Variants in PFDN2 observed in about 807,000 individuals in gnomAD.
PFDN2 encodes prefoldin subunit 2.
Under a neutral mutation model 18.3 loss-of-function variants are expected in PFDN2, and 7 were observed. That is an observed-to-expected ratio of 0.38 (90% CI 0.22 to 0.72). The LOEUF is 0.72. Among genes scored for constraint, PFDN2 ranks in the 30% least tolerant of loss-of-function variants. PFDN2 has a pLI of 0.47. For missense variants in PFDN2, 181 were observed against 199.1 expected (o/e 0.91, Z 0.55); for synonymous variants, 76 against 75.0 (o/e 1.01, Z -0.07).
intron 1 of PFDN2, among the ~76,000 whole-genome samples, chr1:161,116,091 A>G (rs1246290788): frequency 6.6e-6 from 1 of 152,156 alleles, no homozygotes; most frequent in Non-Finnish European, 1.5e-5. Context: ...AGCCATTCAA[A>G]TGGCTTATGC....
Position 161,102,370 on chromosome 1 carries a change from A to G in PFDN2, c.81T>C (p.Ile27=). Reference sequence around the variant, plus strand: ...CCTGCCGAAGGCGGTTGAAGCCAGCAATCACCTAACAAGGTGAGAGAAGAG... The same window carrying G: ...CCTGCCGAAGGCGGTTGAAGCCAGCGATCACCTAACAAGGTGAGAGAAGAG... ...GKGAVSAEQV[I]AGFNRLRQEQ... is the part of the protein sequence containing the mutation. The change falls in exon 2 of 4, where the codon ATT becomes ATC. Residue 27 remains isoleucine (I), a synonymous_variant. Coordinates refer to ENST00000368010, the MANE Select transcript of PFDN2 (RefSeq NM_012394.4). 6.2e-7 allele frequency: 1 copy of G among 1,613,728 alleles called. No individual in the cohort carries two copies. Among genetic ancestry groups the G allele is most frequent in the Non-Finnish European group, 8.5e-7 (1 of 1,179,604 alleles).
At chr1:161,103,542 A>G (rs1163355713) in intron 1 of PFDN2, among the ~76,000 whole-genome samples, 1 of 151,886 alleles carries the variant, frequency 6.6e-6, no homozygotes, top group East Asian at 1.9e-4. Flanking sequence ...CAAAAAAATT[A>G]GCCGGGCATG....
At chr1:161,103,336 CTTCT>C (rs1005470167) in intron 1 of PFDN2, among the ~76,000 whole-genome samples, 7 of 151,848 alleles carry the variant, frequency 4.6e-5, no homozygotes, top group African/African-American at 1.7e-4. Flanking sequence ...GTTATTTAGC[CTTCT>C]TTTTCATTCT....
intron 1 of PFDN2, among the ~76,000 whole-genome samples, chr1:161,103,287 C>T (rs1028667712): frequency 6.6e-6 from 1 of 152,094 alleles, no homozygotes; most frequent in African/African-American, 2.4e-5. Context: ...TTCCTAGATT[C>T]CCTAAAGCTG....
At chr1:161,105,470 T>TTTTC (rs1557962886) in intron 1 of PFDN2, among the ~76,000 whole-genome samples, 3 of 152,038 alleles carry the variant, frequency 2.0e-5, no homozygotes, top group Non-Finnish European at 2.9e-5. Context: ...CTTTTCTTTT[T>TTTTC]TTTTCTGAGA....
At chr1:161,102,449 C>A in intron 1 of PFDN2, 74 bp from the exon 2 acceptor site, 1 of 1,183,524 alleles carries the variant, frequency 8.4e-7, no homozygotes, top group Non-Finnish European at 1.3e-6. Flanking sequence ...CATAGGGTGG[C>A]AGGCTTTACA....
intron 1 of PFDN2, among the ~76,000 whole-genome samples, chr1:161,114,335 T>C (rs191863449): frequency 6.6e-6 from 1 of 152,344 alleles, no homozygotes; most frequent in East Asian, 1.9e-4. Flanking sequence ...CTGAGAGACA[T>C]CTTATATTCC....
intron 1 of PFDN2, among the ~76,000 whole-genome samples, chr1:161,105,393 C>T (rs986990378): frequency 1.3e-5 from 2 of 152,010 alleles, no homozygotes; most frequent in East Asian, 1.9e-4. Context: ...TGGGATTACA[C>T]GCAGGAGCTA....
chr1:161,107,119 A>G (rs1345342556), intron 1 of PFDN2, among the ~76,000 whole-genome samples: 1 of 152,156 alleles, frequency 6.6e-6, no homozygotes, highest in Non-Finnish European at 1.5e-5. Flanking sequence ...CCCTATTGAT[A>G]TATTTTTAAA....
chr1:161,113,204 C>T (rs145359334), intron 1 of PFDN2, among the ~76,000 whole-genome samples: 45 of 152,306 alleles, frequency 3.0e-4, no homozygotes, highest in African/African-American at 9.4e-4. Context: ...TCAAAGACCT[C>T]TATGGCCTTA....
At chr1:161,115,124 G>A (rs6699856) in intron 1 of PFDN2, among the ~76,000 whole-genome samples, 7 of 152,168 alleles carry the variant, frequency 4.6e-5, no homozygotes, top group Non-Finnish European at 8.8e-5. Context: ...GTGCAATGGC[G>A]TAATCTTGGC....
intron 1 of PFDN2, among the ~76,000 whole-genome samples, chr1:161,116,786 C>A (rs1185694968): frequency 6.7e-6 from 1 of 149,798 alleles, no homozygotes; most frequent in East Asian, 2.0e-4. Context: ...TGCTTGAACC[C>A]GGGAGGTGGA....
intron 3 of PFDN2, 72 bp from the exon 4 acceptor site, chr1:161,100,931 TGGA>T (rs956392483): frequency 8.8e-7 from 1 of 1,137,190 alleles, no homozygotes; most frequent in African/African-American, 1.5e-5. Context: ...GGACTATGGT[TGGA>T]GGAAGTGTTA....
chr1:161,111,641 G>A (rs1654811861), intron 1 of PFDN2, among the ~76,000 whole-genome samples: 24 of 152,148 alleles, frequency 1.6e-4, no homozygotes, highest in Admixed American at 1.6e-3. Flanking sequence ...TAGGTCAAGT[G>A]CCCGATACAA....
chr1:161,112,581 T>C (rs531912420), intron 1 of PFDN2, among the ~76,000 whole-genome samples: 1 of 152,270 alleles, frequency 6.6e-6, no homozygotes, highest in Non-Finnish European at 1.5e-5. Context: ...CTACAGGCAC[T>C]TGCCACCATA....
chr1:161,117,995 C>G lies in PFDN2; in HGVS notation c.32G>C (p.Ser11Thr). The part of the protein sequence containing the change: MAENSGRAGK[S>T]SGSGAGKGAV... Reference sequence around the variant, plus strand: ...CCCCTTCCCCGCGCCGCTCCCGCTGCTCTTGCCGGCGCGACCGCTGTTCTC... The same window carrying G: ...CCCCTTCCCCGCGCCGCTCCCGCTGGTCTTGCCGGCGCGACCGCTGTTCTC... Residue 11 changes from serine (S) to threonine (T), a missense_variant, in exon 1 of 4, where the codon AGC (serine) becomes ACC (threonine). Coordinates refer to ENST00000368010, the MANE Select transcript of PFDN2 (RefSeq NM_012394.4). 2 of 1,612,676 alleles carry G rather than the reference C, an allele frequency of 1.2e-6. No homozygotes were observed. Among genetic ancestry groups the G allele is most frequent in the Non-Finnish European group, 1.7e-6 (2 of 1,179,548 alleles).
At chr1:161,109,687 T>G (rs1163590341) in intron 1 of PFDN2, among the ~76,000 whole-genome samples, 3 of 152,122 alleles carry the variant, frequency 2.0e-5, no homozygotes, top group Non-Finnish European at 4.4e-5. Flanking sequence ...GAGTGTTGTG[T>G]GGTGGTCAAA....
intron 1 of PFDN2, among the ~76,000 whole-genome samples, 173 bp downstream of exon 1, chr1:161,117,779 C>T (rs528602059): frequency 1.6e-4 from 24 of 152,346 alleles, no homozygotes; most frequent in African/African-American, 4.3e-4. Flanking sequence ...CTCACCTACC[C>T]ACCCGTCTAC....
In PFDN2 at chr1:161,100,567, C is replaced by T; in HGVS notation, c.*116G>A. On this transcript the variant is annotated 3_prime_UTR_variant, in exon 4 of 4. Coordinates refer to ENST00000368010, the MANE Select transcript of PFDN2 (RefSeq NM_012394.4). ...CTTCAGGCTACAGCTAAGATTCTGA[C>T]CAAAACATTTAATTAACAAAAAAAT... 1.2e-6 allele frequency: 1 copy of T among 868,904 alleles called. No individual in the cohort carries two copies. The highest frequency in any genetic ancestry group is 2.2e-5 in the South Asian group (1 of 46,320). 53.8% of individuals were successfully genotyped at this position (868,904 alleles called of 1,614,324 possible). A position where few individuals can be genotyped will look rare whatever the true frequency, so the allele number is the denominator to read the frequency against.
Sources: gnomAD v4.1 joint callset for allele counts (sites outside exome capture counted in the v4.1 genomes callset) on GRCh38, gnomAD v4.1.1 for gene constraint, MANE v1.5 for transcripts, NCBI Gene and HGNC (gene_info 2026-07-23, HGNC 2026-07-21) for gene names.